The following FAM120B variants were observed in gnomAD, a reference collection of about 807,000 sequenced individuals.
FAM120B encodes the protein family with sequence similarity 120 member B.
A neutral mutation model predicts 96.3 loss-of-function variants in FAM120B; 83 were observed. The ratio of observed to expected loss-of-function variants is 0.86; its 90% CI spans 0.72 to 1.03. The LOEUF (loss-of-function observed/expected upper bound fraction) is 1.03, where lower values mean the gene tolerates loss of function less well. FAM120B is among the 50% of genes least tolerant of loss of function. The pLI is 0.00. For synonymous variants in FAM120B, 407 were observed against 402.7 expected, an observed-to-expected ratio of 1.01 and a Z score of -0.13; for missense variants, 1,027 against 1,121.2, an observed-to-expected ratio of 0.92 and a Z score of 1.20.
At chr6:170,390,866 T>G (rs571648305) in intron 7 of FAM120B, 147 bp from the exon 8 acceptor site, 2 of 683,204 alleles carry the variant, frequency 2.9e-6, no homozygotes, top group Non-Finnish European at 5.4e-6. Context: ...CTGCGGTTCA[T>G]GTCTGGGAGG....
intron 9 of FAM120B, among the ~76,000 whole-genome samples, chr6:170,400,825 G>A (rs1351530571): frequency 6.6e-6 from 1 of 152,172 alleles, no homozygotes; most frequent in Non-Finnish European, 1.5e-5. Context: ...ACCAAAGCCT[G>A]CAGGTGTGGC....
intron 9 of FAM120B, among the ~76,000 whole-genome samples, chr6:170,400,036 A>G (rs1778465538): frequency 6.7e-6 from 1 of 148,748 alleles, no homozygotes. Context: ...GGAAGGTAGA[A>G]CTATGTCATA....
At chr6:170,352,356 A>C (rs947528072) in intron 5 of FAM120B, among the ~76,000 whole-genome samples, 11 of 152,136 alleles carry the variant, frequency 7.2e-5, no homozygotes, top group African/African-American at 2.7e-4. Flanking sequence ...CCAACTGACA[A>C]ATATTAGATC....
intron 1 of FAM120B, among the ~76,000 whole-genome samples, chr6:170,312,451 A>G (rs546156993): frequency 6.6e-6 from 1 of 152,350 alleles, no homozygotes; most frequent in Admixed American, 6.5e-5. Context: ...AATTTATAAT[A>G]CAATTATAAA....
intron 6 of FAM120B, among the ~76,000 whole-genome samples, chr6:170,382,010 G>T (rs1004596775): frequency 6.6e-6 from 1 of 152,092 alleles, no homozygotes; most frequent in Non-Finnish European, 1.5e-5. Flanking sequence ...TCTGTCTAGT[G>T]CAGTGAGGAA....
At chr6:170,307,060 G>T (rs531631685) in intron 1 of FAM120B, among the ~76,000 whole-genome samples, 18 of 152,296 alleles carry the variant, frequency 1.2e-4, no homozygotes, top group Non-Finnish European at 2.2e-4. Flanking sequence ...CTGTCCCTGC[G>T]CAGAACCCTC....
At chr6:170,293,029 C>T (rs181262004), upstream of FAM120B, among the ~76,000 whole-genome samples, 38 of 152,216 alleles carry the variant, frequency 2.5e-4, no homozygotes, top group Admixed American at 1.6e-3. Context: ...GACTTGCTGT[C>T]GCCACAGGGA....
intron 5 of FAM120B, among the ~76,000 whole-genome samples, chr6:170,352,620 A>C (rs998302024): frequency 2.6e-5 from 4 of 152,208 alleles, no homozygotes; most frequent in Admixed American, 2.0e-4. Context: ...CAAGATTAAG[A>C]AATTCACTCA....
intron 3 of FAM120B, among the ~76,000 whole-genome samples, chr6:170,328,572 A>T: frequency 6.6e-6 from 1 of 151,974 alleles, no homozygotes; most frequent in East Asian, 1.9e-4. Flanking sequence ...TGTCTTTGCA[A>T]TTCCTCTCCT....
intron 5 of FAM120B, among the ~76,000 whole-genome samples, chr6:170,351,502 C>T (rs1279534110): frequency 6.6e-6 from 1 of 152,160 alleles, no homozygotes; most frequent in African/African-American, 2.4e-5. Flanking sequence ...TCATCAGATT[C>T]TCCAGGTTGA....
At chr6:170,310,257 A>T (rs1454542872) in intron 1 of FAM120B, among the ~76,000 whole-genome samples, 1 of 152,222 alleles carries the variant, frequency 6.6e-6, no homozygotes, top group East Asian at 1.9e-4. Context: ...AGGAAAGGCC[A>T]AGGGCACCAG....
At chr6:170,313,528 A>G (rs1784722020) in intron 1 of FAM120B, among the ~76,000 whole-genome samples, 1 of 152,256 alleles carries the variant, frequency 6.6e-6, no homozygotes, top group Admixed American at 6.5e-5. Flanking sequence ...TTAATTTTCT[A>G]ACAGACTTAC....
At chr6:170,374,918 TTTC>T (rs1762542256) in intron 6 of FAM120B, among the ~76,000 whole-genome samples, 1 of 152,242 alleles carries the variant, frequency 6.6e-6, no homozygotes, top group South Asian at 2.1e-4. Flanking sequence ...TATACTTTAA[TTTC>T]TTGAGGATAG....
chr6:170,296,307 G>T (rs1236305217), intron 1 of FAM120B, among the ~76,000 whole-genome samples: 1 of 152,156 alleles, frequency 6.6e-6, no homozygotes, highest in South Asian at 2.1e-4. Flanking sequence ...GATCCGCGAC[G>T]GGGAGTGAGC....
intron 6 of FAM120B, among the ~76,000 whole-genome samples, chr6:170,365,931 G>A (rs1355023122): frequency 6.6e-6 from 1 of 152,196 alleles, no homozygotes; most frequent in African/African-American, 2.4e-5. Flanking sequence ...GGCTCAGCAG[G>A]TGTTGGTAAA....
Position 170,318,033 on chromosome 6 carries a change from CT to C in FAM120B, c.644del (p.Leu215ArgfsTer19), listed in dbSNP as rs1562520107. Reference sequence around the variant, plus strand: ...CTGCAGAGAGAAGCTCTGTGAGAGTCTGGGCCTCTGTGTGGCCGACCTTCCT... The same window carrying C: ...CTGCAGAGAGAAGCTCTGTGAGAGTCGGGCCTCTGTGTGGCCGACCTTCCT... ...MLCREKLCES[L>X]GLCVADLPLL... is the part of the protein sequence containing the mutation. On this transcript the variant is annotated frameshift_variant, in exon 2 of 11. Coordinates refer to ENST00000476287, the MANE Select transcript of FAM120B (RefSeq NM_032448.3). LOFTEE classifies it high-confidence loss of function. The C allele has an allele frequency of 6.2e-7, 1 of 1,614,104 alleles. No individual in the cohort carries two copies. Among genetic ancestry groups the C allele is most frequent in the Non-Finnish European group, 8.5e-7 (1 of 1,179,964 alleles).
Position 170,318,264 on chromosome 6 carries a change from CCAAA to C in FAM120B, c.879_882del (p.Asn293LysfsTer28), listed in dbSNP as rs1309547976. The C allele has an allele frequency of 6.2e-6, 10 of 1,613,944 alleles. No homozygotes were observed. Among genetic ancestry groups the C allele is most frequent in the Admixed American group, 1.7e-5 (1 of 59,980 alleles). On this transcript the variant is annotated frameshift_variant, in exon 2 of 11. Coordinates refer to ENST00000476287, the MANE Select transcript of FAM120B (RefSeq NM_032448.3). LOFTEE classifies it high-confidence loss of function. ...ATTAGAAGAGATATTACCTCTGGGA[CCAAA>C]CAAAGCTCTTTTTTATAAAGGAATG... is the stretch of plus-strand genomic sequence containing the variant.
At chr6:170,333,910 C>G (rs1786240617) in intron 4 of FAM120B, among the ~76,000 whole-genome samples, 1 of 152,142 alleles carries the variant, frequency 6.6e-6, no homozygotes. Flanking sequence ...GCTTCCATTT[C>G]CCAAACCCAG....
At chr6:170,357,458 G>A (rs895168178) in intron 5 of FAM120B, among the ~76,000 whole-genome samples, 1 of 152,150 alleles carries the variant, frequency 6.6e-6, no homozygotes, top group African/African-American at 2.4e-5. Flanking sequence ...GCTGTCTCTT[G>A]TTCCTCTGTC....
Sources: gnomAD v4.1 joint callset for allele counts (sites outside exome capture counted in the v4.1 genomes callset) on GRCh38, gnomAD v4.1.1 for gene constraint, MANE v1.5 for transcripts, NCBI Gene and HGNC (gene_info 2026-07-23, HGNC 2026-07-21) for gene names.